The following NRG3 variants were observed in gnomAD, a reference collection of about 807,000 sequenced individuals.
NRG3 encodes the protein neuregulin 3.
NRG3 carries 31 observed loss-of-function variants against 66.9 expected under a neutral mutation model. The observed-to-expected ratio is 0.46, with a 90% CI of 0.35 to 0.63. NRG3 has a LOEUF of 0.63. NRG3 is among the 20% of genes least tolerant of loss of function. The pLI is 0.00. For missense variants in NRG3, 910 were observed against 878.9 expected, an observed-to-expected ratio of 1.04 and a Z score of -0.45; for synonymous variants, 393 against 359.4, an observed-to-expected ratio of 1.09 and a Z score of -1.06.
chr10:81,896,995 G>C (rs918707355), intron 1 of NRG3, among the ~76,000 whole-genome samples: 1 of 152,268 alleles, frequency 6.6e-6, no homozygotes, highest in African/African-American at 2.4e-5. Context: ...GCTGAACAGG[G>C]TTAGGATAAA....
chr10:82,132,350 A>G (rs1305814459), intron 1 of NRG3, among the ~76,000 whole-genome samples: 1 of 149,870 alleles, frequency 6.7e-6, no homozygotes, highest in African/African-American at 2.4e-5. Context: ...ATTGATTTGC[A>G]TATGTTGAAC....
intron 1 of NRG3, among the ~76,000 whole-genome samples, chr10:81,880,168 A>G (rs1842049739): frequency 1.3e-5 from 2 of 152,186 alleles, no homozygotes; most frequent in East Asian, 3.9e-4. Flanking sequence ...TCATGGTCCT[A>G]ATTAAAAAAA....
chr10:82,789,307 A>G (rs920822833), intron 3 of NRG3, among the ~76,000 whole-genome samples: 11 of 152,098 alleles, frequency 7.2e-5, no homozygotes, highest in African/African-American at 2.7e-4. Flanking sequence ...AGCAATAGCT[A>G]TTCAAATAAT....
At chr10:82,948,670 A>G (rs1444562993) in intron 4 of NRG3, among the ~76,000 whole-genome samples, 1 of 152,018 alleles carries the variant, frequency 6.6e-6, no homozygotes, top group African/African-American at 2.4e-5. Context: ...ACATGCTTTG[A>G]TGCTATTGTA....
At chr10:82,185,589 A>AGG (rs2073753726) in intron 1 of NRG3, among the ~76,000 whole-genome samples, 1 of 152,232 alleles carries the variant, frequency 6.6e-6, no homozygotes, top group African/African-American at 2.4e-5. Context: ...GTAGAAACAT[A>AGG]TAACAATAAA....
At chr10:82,667,651 C>A (rs558679660) in intron 2 of NRG3, among the ~76,000 whole-genome samples, 8 of 152,172 alleles carry the variant, frequency 5.3e-5, no homozygotes, top group Non-Finnish European at 1.2e-4. Flanking sequence ...CCCTGGGGCA[C>A]CCCCAGCCAA....
chr10:82,130,942 A>T (rs1242144525), intron 1 of NRG3, among the ~76,000 whole-genome samples: 1 of 152,042 alleles, frequency 6.6e-6, no homozygotes, highest in Non-Finnish European at 1.5e-5. Flanking sequence ...CTGGTTATTA[A>T]TCCCTTGCCA....
In NRG3 at chr10:82,205,187, A is replaced by T. The variant is rs143835971; in HGVS notation, c.824-153552A>T. 5.2e-3 allele frequency among the ~76,000 whole-genome samples: 786 copies of T among 152,322 alleles called. 1 individual carries two copies. The highest frequency in any genetic ancestry group is 7.9e-3 in the Non-Finnish European group (538 of 68,028). ...CAACCCCATCATCAGTTTTGACCAC[A>T]TCTTTCCATTTCTTAAACATACTTC... On this transcript the variant is annotated intron_variant, in intron 1 of 8. Coordinates refer to ENST00000372141, the MANE Select transcript of NRG3 (RefSeq NM_001010848.4).
chr10:82,684,467 C>G (rs1426654664), intron 2 of NRG3, among the ~76,000 whole-genome samples: 3 of 151,928 alleles, frequency 2.0e-5, no homozygotes, highest in African/African-American at 7.3e-5. Flanking sequence ...CTTCCAATGC[C>G]ATTGAAAACC....
At chr10:82,408,297 C>G (rs961321847) in intron 2 of NRG3, among the ~76,000 whole-genome samples, 2 of 152,062 alleles carry the variant, frequency 1.3e-5, no homozygotes, top group African/African-American at 2.4e-5. Context: ...TAATCAAATA[C>G]TGTGGTCAAG....
intron 1 of NRG3, among the ~76,000 whole-genome samples, chr10:82,165,017 G>A (rs2071929331): frequency 6.6e-6 from 1 of 151,910 alleles, no homozygotes; most frequent in Admixed American, 6.6e-5. Flanking sequence ...TTAAAACATG[G>A]TATGTGCATT....
intron 2 of NRG3, among the ~76,000 whole-genome samples, chr10:82,458,811 A>G (rs552377452): frequency 1.3e-5 from 2 of 152,328 alleles, no homozygotes; most frequent in Admixed American, 1.3e-4. Context: ...CACATAAAGC[A>G]TGCTCACATA....
chr10:82,065,514 A>G (rs1387968203), intron 1 of NRG3, among the ~76,000 whole-genome samples: 1 of 152,204 alleles, frequency 6.6e-6, no homozygotes, highest in African/African-American at 2.4e-5. Context: ...AATGTGACAC[A>G]GTAATTCAAT....
At position 82,705,258 on chromosome 10, in the gene NRG3, G is replaced by GT. The variant is rs2134329435; in HGVS notation, c.954-33316dup. On this transcript the variant is annotated intron_variant, in intron 2 of 8. Coordinates refer to ENST00000372141, the MANE Select transcript of NRG3 (RefSeq NM_001010848.4). ...GACACACAAATCACATGGGAAAGGT[G>GT]TTTAAATACAGTCTGATTAGAAGGT... 2.0e-5 allele frequency among the ~76,000 whole-genome samples: 3 copies of GT among 152,316 alleles called. No individual in the cohort carries two copies. The East Asian group carries it at 5.8e-4, about 29-fold the overall frequency.
chr10:82,353,065 A>C (rs73314449), intron 1 of NRG3, among the ~76,000 whole-genome samples: 17,952 of 152,152 alleles, frequency 0.12, 1,870 homozygotes, highest in African/African-American at 0.27. Flanking sequence ...GTGATTGCGC[A>C]TGCAGGATCA....
intron 4 of NRG3, among the ~76,000 whole-genome samples, chr10:82,870,832 A>G (rs964601016): frequency 6.6e-6 from 1 of 152,106 alleles, no homozygotes; most frequent in Admixed American, 6.5e-5. Flanking sequence ...CCTTTATTAG[A>G]TATATCTTTT....
intron 1 of NRG3, among the ~76,000 whole-genome samples, chr10:82,146,201 T>C (rs1160156880): frequency 6.6e-6 from 1 of 152,308 alleles, no homozygotes; most frequent in South Asian, 2.1e-4. Context: ...ACAGAGATTG[T>C]AAAAGAGAAT....
intron 2 of NRG3, among the ~76,000 whole-genome samples, chr10:82,393,945 C>T (rs2086554277): frequency 6.6e-6 from 1 of 152,162 alleles, no homozygotes. Context: ...TTCCATGTGC[C>T]TGCCAAGTGA....
intron 1 of NRG3, among the ~76,000 whole-genome samples, chr10:82,345,983 C>T (rs549094235): frequency 6.6e-6 from 1 of 152,278 alleles, no homozygotes; most frequent in East Asian, 1.9e-4. Context: ...ATGCGGTTTT[C>T]TAGATATACA....
Sources: allele counts gnomAD v4.1 joint callset (sites outside exome capture counted in the v4.1 genomes callset), GRCh38; gene constraint gnomAD v4.1.1; transcripts MANE v1.5; gene names NCBI Gene and HGNC (gene_info 2026-07-23, HGNC 2026-07-21).